The following CTDSP2 variants were observed in gnomAD, a reference collection of about 807,000 sequenced individuals.
CTDSP2 encodes the protein CTD small phosphatase 2, also known as carboxy-terminal domain RNA polymerase II polypeptide A small phosphatase 2.
Under a neutral mutation model 31.6 loss-of-function variants are expected in CTDSP2, and 9 were observed. The ratio of observed to expected loss-of-function variants is 0.28; its 90% CI spans 0.17 to 0.50. CTDSP2 has a LOEUF of 0.50. Ranked by LOEUF, CTDSP2 falls within the 20% of genes least tolerant of loss-of-function variation. The probability of loss-of-function intolerance (pLI) is 0.98; values close to 1 mark genes in which losing one functional copy is unlikely to be tolerated. For missense variants in CTDSP2, 267 were observed against 348.5 expected (o/e 0.77, Z 1.86); for synonymous variants, 134 against 134.5 (o/e 1.00, Z 0.03).
intron 3 of CTDSP2, 64 bp from the exon 4 acceptor site, chr12:57,827,161 A>G (rs763056942): frequency 8.5e-7 from 1 of 1,183,198 alleles, no homozygotes; most frequent in Admixed American, 1.7e-5. Context: ...CCCTTGGCAT[A>G]ATTATGGGAA....
chr12:57,832,648 C>T (rs951537551), intron 1 of CTDSP2, among the ~76,000 whole-genome samples: 5 of 151,700 alleles, frequency 3.3e-5, no homozygotes, highest in African/African-American at 7.2e-5. Context: ...AAAAAGTAGC[C>T]GGGCGTAGTG....
chr12:57,838,977 G>C (rs1268807649), intron 1 of CTDSP2, among the ~76,000 whole-genome samples: 2 of 152,204 alleles, frequency 1.3e-5, no homozygotes, highest in Non-Finnish European at 2.9e-5. Context: ...TCATTTCAGA[G>C]GTAGTAACAG....
intron 1 of CTDSP2, among the ~76,000 whole-genome samples, chr12:57,838,037 C>A (rs960186760): frequency 2.0e-5 from 3 of 152,182 alleles, no homozygotes; most frequent in Non-Finnish European, 4.4e-5. Context: ...TTCTAAAGCA[C>A]GCTGATTTCA....
At chr12:57,830,812 G>T (rs1048008680) in intron 1 of CTDSP2, among the ~76,000 whole-genome samples, 1 of 151,952 alleles carries the variant, frequency 6.6e-6, no homozygotes, top group African/African-American at 2.4e-5. Flanking sequence ...GCAATGGAGC[G>T]ATCTCGGCTC....
chr12:57,823,925 G>GT lies in CTDSP2; in HGVS notation c.668dup (p.Tyr223Ter), dbSNP rs1956165659. ...TLILDNSPAS[Y>*]IFHPENAVPV... ...TCACTGCATTCTCGGGGTGGAATAT[G>GT]TAAGAAGCAGGCGAGTTGTCCAGGA... The change falls in exon 7 of 8, where the codon TAC becomes TAAC. Residue 223 changes from tyrosine (Y) to a stop codon, truncating the protein, a stop_gained and frameshift_variant. Transcript: ENST00000398073. LOFTEE classifies it high-confidence loss of function. The GT allele has an allele frequency of 6.2e-7, 1 of 1,613,970 alleles. No individual in the cohort carries two copies. Among genetic ancestry groups the GT allele is most frequent in the Admixed American group, 1.7e-5 (1 of 60,006 alleles).
intron 1 of CTDSP2, among the ~76,000 whole-genome samples, chr12:57,845,871 G>A (rs1486392731): frequency 1.3e-5 from 2 of 152,114 alleles, no homozygotes; most frequent in African/African-American, 2.4e-5. Flanking sequence ...AAGTCCCGCC[G>A]GACGCCGTCA....
At position 57,825,733 on chromosome 12, in the gene CTDSP2, C is replaced by CAA. The variant is rs1956178823; in HGVS notation, c.411+612_411+613insTT. On this transcript the variant is annotated intron_variant, in intron 5 of 7. Coordinates refer to ENST00000398073, the MANE Select transcript of CTDSP2 (RefSeq NM_005730.4). The stretch of plus-strand genomic sequence containing the variant: ...TAGATTTGAGTGCTCTTTACATTGA[C>CAA]AGACACACACTGAGCACTTCCTCAG... 2.6e-5 allele frequency among the ~76,000 whole-genome samples: 4 copies of CAA among 152,198 alleles called. No individual in the cohort carries two copies. In the South Asian group the frequency reaches 8.3e-4, roughly 32 times the overall value.
intron 1 of CTDSP2, among the ~76,000 whole-genome samples, chr12:57,831,621 A>G (rs986051314): frequency 6.6e-6 from 1 of 152,180 alleles, no homozygotes; most frequent in Non-Finnish European, 1.5e-5. Flanking sequence ...GAGGGTCTTG[A>G]GTTTCCTAGA....
chr12:57,820,908 G>A lies in CTDSP2; in HGVS notation c.*2694C>T, dbSNP rs1956141087. 1 of 152,236 alleles carries A rather than the reference G, an allele frequency of 6.6e-6. No individual in the cohort carries two copies. Among genetic ancestry groups the A allele is most frequent in the Non-Finnish European group, 1.5e-5 (1 of 68,064 alleles). 9.4% of individuals were successfully genotyped at this position (152,236 alleles called of 1,614,324 possible). ...AGGCACCTTAAAAGAACTGAACCTG[G>A]CAGGTAGGCAGATTCCTGGCATGGC... On this transcript the variant is annotated 3_prime_UTR_variant, in exon 8 of 8. Transcript: ENST00000398073.
chr12:57,830,875 A>C (rs1464509645), intron 1 of CTDSP2, among the ~76,000 whole-genome samples: 1 of 151,760 alleles, frequency 6.6e-6, no homozygotes, highest in Non-Finnish European at 1.5e-5. Flanking sequence ...CAGCCTCCTG[A>C]GTAGCTGGGG....
At chr12:57,824,826 T>G (rs1393006614) in intron 5 of CTDSP2, 1 of 371,896 alleles carries the variant, frequency 2.7e-6, no homozygotes, top group African/African-American at 2.1e-5. Context: ...TGCCGAGTCT[T>G]GCTCTGCACC....
At position 57,821,700 on chromosome 12, in the gene CTDSP2, G is replaced by A. The variant is rs571128584; in HGVS notation, c.*1902C>T. The A allele has an allele frequency of 6.6e-6, 1 of 152,352 alleles. No homozygotes were observed. Among genetic ancestry groups the A allele is most frequent in the South Asian group, 2.1e-4 (1 of 4,818 alleles). The allele number at this position is 152,352 out of a possible 1,614,324, so 9.4% of individuals were successfully genotyped here. The stretch of plus-strand genomic sequence containing the variant: ...TCAAGAGACAGTATATTTCTGGCTA[G>A]CACATGGGGTCCTTCTCCCTTTAGG... On this transcript the variant is annotated 3_prime_UTR_variant, in exon 8 of 8. Coordinates refer to ENST00000398073, the MANE Select transcript of CTDSP2 (RefSeq NM_005730.4).
intron 1 of CTDSP2, among the ~76,000 whole-genome samples, chr12:57,833,175 G>A (rs989800739): frequency 6.6e-6 from 1 of 152,238 alleles, no homozygotes; most frequent in African/African-American, 2.4e-5. Context: ...GTAATCCTGA[G>A]AGGTTGCGGG....
At chr12:57,826,001 G>C (rs972306918) in intron 5 of CTDSP2, among the ~76,000 whole-genome samples, 4 of 152,186 alleles carry the variant, frequency 2.6e-5, no homozygotes, top group African/African-American at 9.7e-5. Context: ...AAGGAACAGA[G>C]AAATGTAATA....
At chr12:57,844,757 G>A (rs1164422821) in intron 1 of CTDSP2, among the ~76,000 whole-genome samples, 1 of 151,966 alleles carries the variant, frequency 6.6e-6, no homozygotes, top group Non-Finnish European at 1.5e-5. Flanking sequence ...GCAGCCAGGA[G>A]AGCAGAAATC....
intron 4 of CTDSP2, 51 bp from the exon 5 acceptor site, chr12:57,826,453 GGCCCC>G: frequency 6.4e-7 from 1 of 1,573,060 alleles, no homozygotes; most frequent in Non-Finnish European, 8.7e-7. Flanking sequence ...AGAAACATGA[GGCCCC>G]CACCATACCC....
chr12:57,834,753 C>G (rs766278667), intron 1 of CTDSP2, among the ~76,000 whole-genome samples: 46 of 152,234 alleles, frequency 3.0e-4, no homozygotes, highest in Non-Finnish European at 6.3e-4. Flanking sequence ...GGGGCACAGC[C>G]TGCCTTTCCA....
At chr12:57,826,292 C>G (rs1956182036) in intron 5 of CTDSP2, 54 bp downstream of exon 5, 11 of 1,553,750 alleles carry the variant, frequency 7.1e-6, no homozygotes, top group Non-Finnish European at 9.7e-6. Context: ...ACAGGTGAGG[C>G]AGAAGGCAGA....
At chr12:57,826,536 T>G in intron 4 of CTDSP2, 134 bp from the exon 5 acceptor site, 1 of 754,410 alleles carries the variant, frequency 1.3e-6, no homozygotes, top group Non-Finnish European at 2.2e-6. Flanking sequence ...CATTAAGGGG[T>G]TCTCACCCTA....
Sources: gnomAD v4.1 joint callset for allele counts (sites outside exome capture counted in the v4.1 genomes callset) on GRCh38, gnomAD v4.1.1 for gene constraint, MANE v1.5 for transcripts, NCBI Gene and HGNC (gene_info 2026-07-23, HGNC 2026-07-21) for gene names.